Variants in DTNA observed in about 807,000 individuals in gnomAD.
The protein encoded by DTNA is dystrophin-related protein 3.
DTNA carries 43 observed loss-of-function variants against 100.7 expected under a neutral mutation model. That is an observed-to-expected ratio of 0.43 (90% confidence interval 0.33 to 0.55). The LOEUF is 0.55. Ranked by LOEUF, DTNA falls within the 20% of genes least tolerant of loss-of-function variation. The pLI is 0.04. For synonymous variants in DTNA, 349 were observed against 347.9 expected (o/e 1.00, Z -0.04); for missense variants, 798 against 953.9 (o/e 0.84, Z 2.15).
At chr18:34,668,380 C>A (rs1405157498) in intron 1 of DTNA, among the ~76,000 whole-genome samples, 1 of 152,172 alleles carries the variant, frequency 6.6e-6, no homozygotes, top group Non-Finnish European at 1.5e-5. Context: ...AAACCAGATC[C>A]TGGATTCGTT....
intron 1 of DTNA, among the ~76,000 whole-genome samples, chr18:34,592,467 A>AACACACACACAC (rs3078085): frequency 0.012 from 1,613 of 139,490 alleles, 22 homozygotes; most frequent in African/African-American, 0.028. Context: ...ACACTTGTAT[A>AACACACACACAC]ACACACACAC....
At chr18:34,817,581 G>GA (rs3837894) in intron 7 of DTNA, among the ~76,000 whole-genome samples, 18,595 of 151,270 alleles carry the variant, frequency 0.12, 1,244 homozygotes, top group South Asian at 0.16. Context: ...CCTCAGGAAA[G>GA]AAAAAAAAAT....
At chr18:34,581,106 G>T (rs142146986) in intron 1 of DTNA, among the ~76,000 whole-genome samples, 4 of 152,134 alleles carry the variant, frequency 2.6e-5, no homozygotes, top group African/African-American at 9.7e-5. Context: ...AAAATTAGCC[G>T]GGTGTGGTGG....
intron 1 of DTNA, among the ~76,000 whole-genome samples, chr18:34,526,615 ATACT>A (rs991097037): frequency 8.5e-5 from 13 of 152,270 alleles, no homozygotes; most frequent in East Asian, 7.7e-4. Context: ...AATCAAATAA[ATACT>A]TATTCTAACA....
At chr18:34,860,223 T>TG (rs1568812778) in intron 16 of DTNA, among the ~76,000 whole-genome samples, 151 of 117,476 alleles carry the variant, frequency 1.3e-3, no homozygotes, top group African/African-American at 5.0e-3. Context: ...ATTTTTTGTT[T>TG]TTTTTTTTTT....
intron 20 of DTNA, among the ~76,000 whole-genome samples, 184 bp downstream of exon 20, chr18:34,879,903 T>G (rs1228613050): frequency 6.6e-6 from 1 of 152,178 alleles, no homozygotes; most frequent in African/African-American, 2.4e-5. Context: ...ATTTCCCCTC[T>G]TACAATTTCC....
Position 34,790,549 on chromosome 18 carries a change from C to CTA in DTNA, c.149-3470_149-3469dup, listed in dbSNP as rs67141918. Among the ~76,000 whole-genome samples, 19 of 96,194 alleles carry CTA rather than the reference C, an allele frequency of 2.0e-4. 2 individuals are homozygous for CTA. The highest frequency in any genetic ancestry group is 7.5e-4 in the African/African-American group (16 of 21,378). 63.1% of individuals were successfully genotyped at this position (96,194 alleles called of 152,430 possible). ...TTATTAAAGGACTTTAAGCAGCATA[C>CTA]TATATATATATATATATATTTTTTT... On this transcript the variant is annotated intron_variant, in intron 3 of 22. Transcript: ENST00000444659.
chr18:34,520,117 T>C (rs2042019136), intron 1 of DTNA, among the ~76,000 whole-genome samples: 1 of 152,152 alleles, frequency 6.6e-6, no homozygotes, highest in South Asian at 2.1e-4. Flanking sequence ...TACCTTCTGA[T>C]AAGAAATGAG....
At chr18:34,635,519 CATA>C (rs1568081508) in intron 1 of DTNA, among the ~76,000 whole-genome samples, 1 of 152,092 alleles carries the variant, frequency 6.6e-6, no homozygotes, top group Non-Finnish European at 1.5e-5. Flanking sequence ...AATCTTAAAT[CATA>C]TTAATAAACT....
chr18:34,619,443 G>T (rs897260067), intron 1 of DTNA, among the ~76,000 whole-genome samples: 1 of 152,094 alleles, frequency 6.6e-6, no homozygotes, highest in Non-Finnish European at 1.5e-5. Flanking sequence ...CAAATTCCAA[G>T]CAAGGAAAAA....
chr18:34,635,619 A>G (rs1250522112), intron 1 of DTNA, among the ~76,000 whole-genome samples: 4 of 152,206 alleles, frequency 2.6e-5, no homozygotes, highest in Admixed American at 1.3e-4. Flanking sequence ...AACATCATGC[A>G]TTGATCATTT....
intron 1 of DTNA, among the ~76,000 whole-genome samples, chr18:34,739,982 G>A (rs1434023965): frequency 2.0e-5 from 3 of 152,048 alleles, no homozygotes; most frequent in African/African-American, 4.8e-5. Context: ...ATAAGAGATA[G>A]GACTGATTCA....
intron 1 of DTNA, among the ~76,000 whole-genome samples, chr18:34,689,452 T>G (rs1568227306): frequency 6.6e-6 from 1 of 152,190 alleles, no homozygotes; most frequent in Non-Finnish European, 1.5e-5. Context: ...AGACCCTGTT[T>G]TCCTGGGTAT....
intron 1 of DTNA, among the ~76,000 whole-genome samples, chr18:34,523,983 A>T (rs2042377175): frequency 6.7e-6 from 1 of 150,266 alleles, no homozygotes; most frequent in African/African-American, 2.5e-5. Context: ...TATGGTTTTG[A>T]CAACGGTAAA....
intron 1 of DTNA, among the ~76,000 whole-genome samples, chr18:34,591,520 A>T (rs1330706345): frequency 6.6e-6 from 1 of 152,230 alleles, no homozygotes; most frequent in Non-Finnish European, 1.5e-5. Flanking sequence ...TGATGGCCGC[A>T]CGTCTGTCCA....
intron 11 of DTNA, among the ~76,000 whole-genome samples, chr18:34,836,121 T>A (rs980126979): frequency 6.6e-6 from 1 of 152,220 alleles, no homozygotes; most frequent in Admixed American, 6.5e-5. Flanking sequence ...TATGGAGATC[T>A]GCTTCAGTAG....
chr18:34,530,122 C>T (rs941994179), intron 1 of DTNA, among the ~76,000 whole-genome samples: 6 of 152,052 alleles, frequency 3.9e-5, no homozygotes, highest in South Asian at 2.1e-4. Context: ...TACTCCTGCT[C>T]ATAGCTGATA....
At chr18:34,494,009 C>G (rs2038877121) in intron 1 of DTNA, 1 of 150,212 alleles carries the variant, frequency 6.7e-6, no homozygotes, top group Non-Finnish European at 1.5e-5. Context: ...CCCGGGGGCG[C>G]GGGGCCGCGC....
intron 1 of DTNA, among the ~76,000 whole-genome samples, chr18:34,710,658 CAGTGTGTGTGTGTGGG>C (rs1327834624): frequency 2.0e-5 from 3 of 147,068 alleles, no homozygotes; most frequent in Non-Finnish European, 4.4e-5. Flanking sequence ...AGTTTTATGG[CAGTGTGTGTGTGTGGG>C]AGTGTGTGTG....
Sources: gnomAD v4.1 joint callset for allele counts (sites outside exome capture counted in the v4.1 genomes callset) on GRCh38, gnomAD v4.1.1 for gene constraint, MANE v1.5 for transcripts, NCBI Gene and HGNC (gene_info 2026-07-23, HGNC 2026-07-21) for gene names.